Variants in SYNPR observed in about 807,000 individuals in gnomAD.
The protein encoded by SYNPR is synaptoporin.
A neutral mutation model predicts 32.9 loss-of-function variants in SYNPR; 23 were observed. That is an observed-to-expected ratio of 0.70 (90% confidence interval 0.50 to 0.99). SYNPR has a LOEUF of 0.99. Among genes scored for constraint, SYNPR ranks in the 50% least tolerant of loss-of-function variants. SYNPR has a pLI of 0.00. For synonymous variants in SYNPR, 146 were observed against 135.9 expected, an observed-to-expected ratio of 1.07 and a Z score of -0.52; for missense variants, 318 against 349.3, an observed-to-expected ratio of 0.91 and a Z score of 0.71.
chr3:63,267,031 G>C (rs1370057354), intron 2 of SYNPR, among the ~76,000 whole-genome samples: 4 of 152,158 alleles, frequency 2.6e-5, no homozygotes, highest in Non-Finnish European at 5.9e-5. Flanking sequence ...GTGGCCCTGG[G>C]ATTTTCTTGG....
chr3:63,359,961 C>G (rs991739378), intron 2 of SYNPR, among the ~76,000 whole-genome samples: 2 of 151,966 alleles, frequency 1.3e-5, no homozygotes, highest in Admixed American at 6.6e-5. Flanking sequence ...ATCAAGCAGC[C>G]CTAGTGGTTT....
At chr3:63,453,718 G>C (rs1170282127) in intron 2 of SYNPR, among the ~76,000 whole-genome samples, 10 of 152,128 alleles carry the variant, frequency 6.6e-5, no homozygotes, top group Non-Finnish European at 1.5e-4. Flanking sequence ...CACTACCTGT[G>C]TGACTTTTGA....
intron 3 of SYNPR, among the ~76,000 whole-genome samples, chr3:63,520,486 A>G (rs1701886615): frequency 6.6e-6 from 1 of 152,134 alleles, no homozygotes; most frequent in Non-Finnish European, 1.5e-5. Flanking sequence ...CAGCCTGACC[A>G]ACGTGGTGAA....
rs546607366 is a variant in SYNPR at position 63,369,882 on chromosome 3, A to C, written c.84+91140A>C. ...TTCTGAGGTTGATTTGAGTTCATGA[A>C]GACTAAGAAGAATTTTCTTCCTCAC... On this transcript the variant is annotated intron_variant, in intron 2 of 5. Transcript: ENST00000478300. 3.3e-5 allele frequency among the ~76,000 whole-genome samples: 5 copies of C among 152,260 alleles called. No individual in the cohort carries two copies. In the South Asian group the frequency reaches 8.3e-4, roughly 25 times the overall value.
chr3:63,420,779 T>C (rs998527366), intron 2 of SYNPR, among the ~76,000 whole-genome samples: 2 of 152,156 alleles, frequency 1.3e-5, no homozygotes, highest in Non-Finnish European at 2.9e-5. Flanking sequence ...ACATTTATAA[T>C]GGGCAAAGGA....
rs71636051 is a variant in SYNPR, at chr3:63,481,435, G to GTA, written c.209+495_209+496dup. Among the ~76,000 whole-genome samples, 905 of 147,726 alleles carry GTA rather than the reference G, an allele frequency of 6.1e-3. 8 individuals are homozygous for GTA. Among genetic ancestry groups the GTA allele is most frequent in the Non-Finnish European group, 5.6e-3 (374 of 66,460 alleles). Reference sequence around the variant, plus strand: ...CATCCTTAATATTTATATATTAAGTGTATATATATATATATATGTGTGTGT... The same window carrying GTA: ...CATCCTTAATATTTATATATTAAGTGTATATATATATATATATATGTGTGTGT... On this transcript the variant is annotated intron_variant, in intron 3 of 5. Transcript: ENST00000478300.
chr3:63,479,733 G>A (rs1013731108), intron 2 of SYNPR, among the ~76,000 whole-genome samples: 5 of 152,108 alleles, frequency 3.3e-5, no homozygotes, highest in South Asian at 2.1e-4. Flanking sequence ...ACCGCAAATA[G>A]CAAAATGACC....
chr3:63,547,764 G>C (rs17069031), intron 3 of SYNPR, among the ~76,000 whole-genome samples: 4,178 of 152,232 alleles, frequency 0.027, 179 homozygotes, highest in African/African-American at 0.095. Context: ...GGGAGGTTAA[G>C]AGCAAGAGCT....
At chr3:63,542,408 G>A (rs934545397) in intron 3 of SYNPR, among the ~76,000 whole-genome samples, 8 of 152,172 alleles carry the variant, frequency 5.3e-5, no homozygotes, top group Middle Eastern at 3.4e-3. Context: ...CGCAAATTTC[G>A]TGTTGTAAAT....
chr3:63,309,126 T>A (rs7626955), intron 2 of SYNPR, among the ~76,000 whole-genome samples: 68,994 of 151,838 alleles, frequency 0.45, 15,883 homozygotes, highest in Middle Eastern at 0.52. Flanking sequence ...TCTAATCTGT[T>A]ATTAATTCTA....
intron 2 of SYNPR, among the ~76,000 whole-genome samples, chr3:63,412,806 A>T (rs2088484433): frequency 6.6e-6 from 1 of 152,156 alleles, no homozygotes; most frequent in African/African-American, 2.4e-5. Flanking sequence ...AACCTTTTGA[A>T]CTTGAACCTG....
chr3:63,400,993 G>A (rs2088282680), intron 2 of SYNPR, among the ~76,000 whole-genome samples: 1 of 151,920 alleles, frequency 6.6e-6, no homozygotes, highest in South Asian at 2.1e-4. Context: ...GCAACAAATG[G>A]CAAAGGCAAC....
At chr3:63,284,650 T>C (rs926651203) in intron 2 of SYNPR, among the ~76,000 whole-genome samples, 3 of 152,220 alleles carry the variant, frequency 2.0e-5, no homozygotes, top group Non-Finnish European at 4.4e-5. Flanking sequence ...CATTCCTGAA[T>C]TTAAATTCTA....
intron 2 of SYNPR, among the ~76,000 whole-genome samples, chr3:63,440,069 A>C (rs1315122678): frequency 6.6e-6 from 1 of 152,234 alleles, no homozygotes; most frequent in Admixed American, 6.5e-5. Context: ...ATCAGGCAAT[A>C]AAGTGCAAAA....
intron 2 of SYNPR, among the ~76,000 whole-genome samples, chr3:63,402,391 A>C (rs2088304433): frequency 6.6e-6 from 1 of 152,158 alleles, no homozygotes; most frequent in Non-Finnish European, 1.5e-5. Flanking sequence ...AAATGATAAA[A>C]ATCAGAGGAT....
chr3:63,383,484 A>G (rs753685147), intron 2 of SYNPR, among the ~76,000 whole-genome samples: 1 of 152,138 alleles, frequency 6.6e-6, no homozygotes, highest in Non-Finnish European at 1.5e-5. Flanking sequence ...TGGGAGGCCA[A>G]GGTGGGCAGA....
At chr3:63,476,843 C>T (rs1334519637) in intron 2 of SYNPR, among the ~76,000 whole-genome samples, 2 of 152,120 alleles carry the variant, frequency 1.3e-5, no homozygotes, top group African/African-American at 4.8e-5. Flanking sequence ...ATTGTGTCTC[C>T]CATATCTAGC....
At chr3:63,277,546 G>A (rs143572293), upstream of SYNPR, among the ~76,000 whole-genome samples, 4 of 152,232 alleles carry the variant, frequency 2.6e-5, 1 homozygote, top group South Asian at 8.3e-4. Flanking sequence ...GAGTTTGAAA[G>A]GTACCTAAAT....
At chr3:63,535,712 A>G (rs1038588450) in intron 3 of SYNPR, among the ~76,000 whole-genome samples, 6 of 148,374 alleles carry the variant, frequency 4.0e-5, no homozygotes, top group African/African-American at 1.5e-4. Flanking sequence ...AGGTGCTGAG[A>G]CAACTGAATA....
Sources: gnomAD v4.1 joint callset for allele counts (sites outside exome capture counted in the v4.1 genomes callset) on GRCh38, gnomAD v4.1.1 for gene constraint, MANE v1.5 for transcripts, NCBI Gene and HGNC (gene_info 2026-07-23, HGNC 2026-07-21) for gene names.